Variants in STIM1 observed in about 807,000 individuals in gnomAD.
The protein encoded by STIM1 is stromal interaction molecule 1.
STIM1 carries 25 observed loss-of-function variants against 74.7 expected under a neutral mutation model. The ratio of observed to expected loss-of-function variants is 0.33; its 90% CI spans 0.24 to 0.47. STIM1 has a LOEUF of 0.47. Ranked by LOEUF, STIM1 falls within the 20% of genes least tolerant of loss-of-function variation. STIM1 has a pLI of 1.00. For synonymous variants in STIM1, 328 were observed against 348.8 expected (o/e 0.94, Z 0.66); for missense variants, 728 against 920.8 (o/e 0.79, Z 2.71).
intron 2 of STIM1, among the ~76,000 whole-genome samples, chr11:4,019,417 T>C (rs560733708): frequency 2.0e-5 from 3 of 152,340 alleles, no homozygotes; most frequent in Admixed American, 2.0e-4. Context: ...CTGACGCCTG[T>C]AATCCGAGCA....
chr11:4,089,910 G>A (rs534083289), intron 12 of STIM1, among the ~76,000 whole-genome samples: 4 of 152,302 alleles, frequency 2.6e-5, no homozygotes, highest in Admixed American at 2.6e-4. Context: ...TAGGAAGGCA[G>A]AAGGAGGATT....
chr11:3,919,412 C>T (rs10835300), intron 1 of STIM1, among the ~76,000 whole-genome samples: 81,487 of 151,756 alleles, frequency 0.54, 23,321 homozygotes, highest in African/African-American at 0.76. Flanking sequence ...ACCATCTTGG[C>T]CAGGCTGGTC....
intron 1 of STIM1, among the ~76,000 whole-genome samples, chr11:3,897,559 T>G (rs2092220546): frequency 6.6e-6 from 1 of 152,114 alleles, no homozygotes; most frequent in African/African-American, 2.4e-5. Flanking sequence ...ATGTGTACAA[T>G]GTGCAGGTTA....
At chr11:3,892,667 C>T (rs2135383792) in intron 1 of STIM1, 1 of 1,611,528 alleles carries the variant, frequency 6.2e-7, no homozygotes, top group Non-Finnish European at 8.5e-7. Flanking sequence ...GGACTTGCTG[C>T]TAGTGCCATT....
chr11:3,971,549 A>G (rs1168958635), intron 2 of STIM1, among the ~76,000 whole-genome samples: 1 of 152,014 alleles, frequency 6.6e-6, no homozygotes, highest in Non-Finnish European at 1.5e-5. Context: ...AAAACAAAAA[A>G]ACAAAACAAA....
chr11:4,012,740 G>T (rs1262859424), intron 2 of STIM1, among the ~76,000 whole-genome samples: 2 of 152,092 alleles, frequency 1.3e-5, no homozygotes, highest in African/African-American at 4.8e-5. Context: ...TGATTGCCCT[G>T]GCCAGAACTT....
At position 4,074,482 on chromosome 11, in the gene STIM1, T is replaced by G; in HGVS notation, c.792-20T>G. 1.2e-6 allele frequency: 2 copies of G among 1,612,822 alleles called. No individual in the cohort carries two copies. ...ACCCCCTTGCCTGGCCTCCTCCAGC[T>G]CCCTGCATTGCCCCCCCAGGCTGCA... On this transcript the variant is annotated intron_variant, in intron 6 of 12. Transcript: ENST00000526596.
intron 1 of STIM1, among the ~76,000 whole-genome samples, chr11:3,936,742 G>A (rs2092936541): frequency 6.6e-6 from 1 of 152,172 alleles, no homozygotes; most frequent in Non-Finnish European, 1.5e-5. Flanking sequence ...GAGTGGCCTT[G>A]AAATCCAATC....
At chr11:3,953,521 A>G (rs2093173808) in intron 1 of STIM1, among the ~76,000 whole-genome samples, 1 of 152,198 alleles carries the variant, frequency 6.6e-6, no homozygotes, top group Non-Finnish European at 1.5e-5. Flanking sequence ...GCCTTGCCAT[A>G]GGACGTGGTA....
intron 1 of STIM1, among the ~76,000 whole-genome samples, chr11:3,872,615 G>A (rs550355544): frequency 2.0e-5 from 3 of 149,138 alleles, no homozygotes; most frequent in African/African-American, 7.4e-5. Context: ...TCCGGCTCCC[G>A]GGTTCATGCC....
At chr11:3,976,422 G>A (rs891325622) in intron 2 of STIM1, among the ~76,000 whole-genome samples, 1 of 152,214 alleles carries the variant, frequency 6.6e-6, no homozygotes, top group Non-Finnish European at 1.5e-5. Flanking sequence ...CATGGAGGAA[G>A]TTTTTGGGAG....
Position 3,855,864 on chromosome 11 carries a change from T to G in STIM1, c.-407T>G. On this transcript the variant is annotated 5_prime_UTR_variant, in exon 1 of 13. Coordinates refer to ENST00000526596, the MANE Select transcript of STIM1 (RefSeq NM_001382567.1). ...CTCGCCGCTCTTCGGCAGGGCGAGG[T>G]CAGGTGCCCCCTTCTCGCCTCTCTT... is the stretch of plus-strand genomic sequence containing the variant. 2 of 210,948 alleles carry G rather than the reference T, an allele frequency of 9.5e-6. No individual in the cohort carries two copies. The highest frequency in any genetic ancestry group is 6.1e-5 in the South Asian group (1 of 16,348). The allele number at this position is 210,948 out of a possible 1,614,324, so 13.1% of individuals were successfully genotyped here. A position where few individuals can be genotyped will look rare whatever the true frequency, so the allele number is the denominator to read the frequency against.
intron 1 of STIM1, among the ~76,000 whole-genome samples, chr11:3,859,125 T>G (rs933653032): frequency 6.6e-6 from 1 of 152,238 alleles, no homozygotes; most frequent in African/African-American, 2.4e-5. Flanking sequence ...TTTTTCTCTT[T>G]TGGATGTATA....
At chr11:4,007,267 C>A (rs909685771) in intron 2 of STIM1, among the ~76,000 whole-genome samples, 4 of 152,144 alleles carry the variant, frequency 2.6e-5, no homozygotes, top group African/African-American at 4.8e-5. Flanking sequence ...CTTAGGTATT[C>A]CTGAGAGAAG....
chr11:3,857,229 G>T (rs184030050), intron 1 of STIM1, among the ~76,000 whole-genome samples: 69 of 146,002 alleles, frequency 4.7e-4, no homozygotes, highest in African/African-American at 1.6e-3. Context: ...GTATACTTTT[G>T]CAGTAGAAAG....
chr11:3,940,990 T>A (rs1565122547), intron 1 of STIM1, among the ~76,000 whole-genome samples: 1 of 152,190 alleles, frequency 6.6e-6, no homozygotes, highest in Non-Finnish European at 1.5e-5. Context: ...ATGCCACCAC[T>A]TAGTTTACTT....
chr11:4,061,886 A>G (rs1487843233), intron 5 of STIM1, among the ~76,000 whole-genome samples: 1 of 152,246 alleles, frequency 6.6e-6, no homozygotes, highest in Non-Finnish European at 1.5e-5. Flanking sequence ...CAGACACAAA[A>G]GATCACATAT....
chr11:4,024,261 G>A (rs184246721), intron 3 of STIM1, among the ~76,000 whole-genome samples: 218 of 152,120 alleles, frequency 1.4e-3, no homozygotes, highest in Non-Finnish European at 1.9e-3. Flanking sequence ...CCTGGCATAG[G>A]AATCTTCCAG....
chr11:3,941,430 C>T (rs1178656307), intron 1 of STIM1, among the ~76,000 whole-genome samples: 1 of 152,006 alleles, frequency 6.6e-6, no homozygotes, highest in African/African-American at 2.4e-5. Context: ...AATCACCTAA[C>T]AGTACAAAAC....
Sources: gnomAD v4.1 joint callset for allele counts (sites outside exome capture counted in the v4.1 genomes callset) on GRCh38, gnomAD v4.1.1 for gene constraint, MANE v1.5 for transcripts, NCBI Gene and HGNC (gene_info 2026-07-23, HGNC 2026-07-21) for gene names.